The following SPAG16 variants were observed in gnomAD, a reference collection of about 807,000 sequenced individuals.
SPAG16 encodes the protein sperm-associated antigen 16 protein.
SPAG16 carries 86 observed loss-of-function variants against 80.4 expected under a neutral mutation model. The observed-to-expected ratio is 1.07, with a 90% CI of 0.90 to 1.28. The LOEUF (loss-of-function observed/expected upper bound fraction) is 1.28. Ranked by LOEUF, SPAG16 falls within the 50% of genes most tolerant of loss-of-function variation. The pLI, the probability that SPAG16 is intolerant of heterozygous loss-of-function variation, is 0.00. For missense variants in SPAG16, 870 were observed against 765.3 expected, an observed-to-expected ratio of 1.14 and a Z score of -1.61; for synonymous variants, 294 against 265.9, an observed-to-expected ratio of 1.11 and a Z score of -1.03.
chr2:213,740,961 A>G (rs893776578), intron 10 of SPAG16, among the ~76,000 whole-genome samples: 1 of 152,204 alleles, frequency 6.6e-6, no homozygotes, highest in Non-Finnish European at 1.5e-5. Context: ...TGTTTCCTTA[A>G]AATATATCAT....
At chr2:213,458,182 T>G in intron 9 of SPAG16, among the ~76,000 whole-genome samples, 1 of 152,174 alleles carries the variant, frequency 6.6e-6, no homozygotes, top group Non-Finnish European at 1.5e-5. Context: ...TTAGATATAC[T>G]CACATATTTA....
chr2:213,979,972 C>T lies in SPAG16; in HGVS notation c.1401-33979C>T, dbSNP rs78456588. 3.2e-3 allele frequency among the ~76,000 whole-genome samples: 490 copies of T among 152,028 alleles called. 5 individuals carry two copies. The highest frequency in any genetic ancestry group is 0.024 in the Admixed American group (367 of 15,202). ...TCCAGATGGATAAATTTTCTCTCCA[C>T]CCTTCCAGATTACTATGTTTTTGTT... On this transcript the variant is annotated intron_variant, in intron 12 of 15. Transcript: ENST00000331683.
At position 213,813,680 on chromosome 2, in the gene SPAG16, G is replaced by C. The variant is rs551848251; in HGVS notation, c.1071-48805G>C. ...AGATTCCTGTGCTGATACAGAAGCA[G>C]AGGCGGTCTGCTGCTACTGGAGAAG... On this transcript the variant is annotated intron_variant, in intron 10 of 15. Transcript: ENST00000331683. Among the ~76,000 whole-genome samples, 8 of 152,310 alleles carry C rather than the reference G, an allele frequency of 5.3e-5. No individual in the cohort carries two copies. The South Asian group carries it at 1.5e-3, about 28-fold the overall frequency.
At chr2:214,341,513 A>G (rs1434549429) in intron 15 of SPAG16, among the ~76,000 whole-genome samples, 1 of 152,212 alleles carries the variant, frequency 6.6e-6, no homozygotes, top group Non-Finnish European at 1.5e-5. Flanking sequence ...AAATGAGAAC[A>G]TTCTAAAAAG....
intron 12 of SPAG16, among the ~76,000 whole-genome samples, chr2:214,002,526 A>AAGAGAG (rs142931090): frequency 3.3e-5 from 5 of 151,688 alleles, no homozygotes; most frequent in African/African-American, 1.2e-4. Flanking sequence ...CAATAGGAGA[A>AAGAGAG]AGAGAGAGAG....
intron 8 of SPAG16, among the ~76,000 whole-genome samples, chr2:213,371,823 A>G (rs935575252): frequency 2.0e-5 from 3 of 152,178 alleles, no homozygotes; most frequent in African/African-American, 7.2e-5. Flanking sequence ...TTTATTATAG[A>G]AAATTCAGAC....
chr2:213,421,832 C>T (rs1455003295), intron 9 of SPAG16, among the ~76,000 whole-genome samples: 1 of 152,128 alleles, frequency 6.6e-6, no homozygotes, highest in African/African-American at 2.4e-5. Flanking sequence ...GAGCTGGACA[C>T]TCATCAGGAC....
intron 12 of SPAG16, among the ~76,000 whole-genome samples, chr2:214,013,491 C>T (rs12328401): frequency 0.34 from 51,955 of 151,888 alleles, 9,586 homozygotes; most frequent in South Asian, 0.67. Flanking sequence ...CCTATTCTCC[C>T]GTCTCTTTTC....
chr2:213,547,848 G>T (rs572621072), intron 10 of SPAG16, among the ~76,000 whole-genome samples: 1 of 152,082 alleles, frequency 6.6e-6, no homozygotes, highest in East Asian at 1.9e-4. Flanking sequence ...TTATTTTAAG[G>T]TTGCTTTGAA....
rs532924666 is a variant in SPAG16, at chr2:213,346,985, G to C, written c.645-3543G>C. The stretch of plus-strand genomic sequence containing the variant: ...GTACCAGCTCCTCCTTGTACCTCTG[G>C]TAGAATTCGGCTGTGAATCCTTCTG... On this transcript the variant is annotated intron_variant, in intron 6 of 15. Transcript: ENST00000331683. 1.4e-3 allele frequency among the ~76,000 whole-genome samples: 211 copies of C among 152,222 alleles called. 1 individual carries two copies. Among genetic ancestry groups the C allele is most frequent in the Non-Finnish European group, 2.7e-3 (185 of 68,006 alleles).
At chr2:214,282,687 C>G (rs1267824506) in intron 15 of SPAG16, among the ~76,000 whole-genome samples, 1 of 151,800 alleles carries the variant, frequency 6.6e-6, no homozygotes, top group Non-Finnish European at 1.5e-5. Context: ...CAGAAAAGAC[C>G]ACAGAAACCT....
chr2:213,610,288 C>T (rs1401288825), intron 10 of SPAG16, among the ~76,000 whole-genome samples: 1 of 152,130 alleles, frequency 6.6e-6, no homozygotes, highest in Non-Finnish European at 1.5e-5. Context: ...AGATTTGCAT[C>T]TGTAGAGAAA....
intron 14 of SPAG16, among the ~76,000 whole-genome samples, chr2:214,118,028 C>A (rs367920513): frequency 2.6e-5 from 4 of 152,090 alleles, no homozygotes; most frequent in African/African-American, 9.7e-5. Flanking sequence ...AAAGAAATAA[C>A]GCGCATCCAA....
chr2:213,850,900 T>C (rs2074869124), intron 10 of SPAG16, among the ~76,000 whole-genome samples: 1 of 152,128 alleles, frequency 6.6e-6, no homozygotes, highest in African/African-American at 2.4e-5. Flanking sequence ...GGATTTTTTT[T>C]CTCATAACAT....
chr2:214,037,381 TTTG>T (rs1395792974), intron 13 of SPAG16, among the ~76,000 whole-genome samples: 11 of 152,080 alleles, frequency 7.2e-5, no homozygotes, highest in African/African-American at 1.7e-4. Context: ...TAATCTGTTT[TTTG>T]TTATTAGAGA....
intron 10 of SPAG16, among the ~76,000 whole-genome samples, chr2:213,601,902 G>T (rs1297865930): frequency 2.0e-5 from 3 of 152,194 alleles, no homozygotes; most frequent in Admixed American, 1.3e-4. Context: ...ATGAACCAGG[G>T]TCAGGGTGGG....
chr2:213,373,192 CA>C (rs1187975538), intron 8 of SPAG16, among the ~76,000 whole-genome samples: 2 of 152,118 alleles, frequency 1.3e-5, no homozygotes, highest in Non-Finnish European at 2.9e-5. Flanking sequence ...TATTACTCAA[CA>C]TTGAGAAGTG....
At chr2:214,282,057 G>A (rs1692986575) in intron 15 of SPAG16, among the ~76,000 whole-genome samples, 1 of 152,120 alleles carries the variant, frequency 6.6e-6, no homozygotes, top group South Asian at 2.1e-4. Context: ...ACTTTCAGAG[G>A]TGATGGATAT....
chr2:213,858,833 A>G (rs930315546), intron 10 of SPAG16, among the ~76,000 whole-genome samples: 1 of 152,126 alleles, frequency 6.6e-6, no homozygotes, highest in African/African-American at 2.4e-5. Context: ...TGTGGAATCA[A>G]TGATTATTAA....
Sources: allele counts gnomAD v4.1 joint callset (sites outside exome capture counted in the v4.1 genomes callset), GRCh38; gene constraint gnomAD v4.1.1; transcripts MANE v1.5; gene names NCBI Gene and HGNC (gene_info 2026-07-23, HGNC 2026-07-21).